The following SCFD2 variants were observed in gnomAD, a reference collection of about 807,000 sequenced individuals.
SCFD2 encodes the protein sec1 family domain containing 2, also known as sec1 family domain-containing protein 2.
A neutral mutation model predicts 58.9 loss-of-function variants in SCFD2; 54 were observed. That is an observed-to-expected ratio of 0.92 (90% CI 0.74 to 1.15). The LOEUF (loss-of-function observed/expected upper bound fraction) is 1.15. Ranked by LOEUF, SCFD2 falls within the 50% of genes most tolerant of loss-of-function variation. The pLI, the probability that SCFD2 is intolerant of heterozygous loss-of-function variation, is 0.00. For synonymous variants in SCFD2, 321 were observed against 335.9 expected, an observed-to-expected ratio of 0.96 and a Z score of 0.49; for missense variants, 805 against 836.6, an observed-to-expected ratio of 0.96 and a Z score of 0.47.
chr4:53,044,893 A>T (rs982328427), intron 5 of SCFD2, among the ~76,000 whole-genome samples: 1 of 31,054 alleles, frequency 3.2e-5, no homozygotes, highest in African/African-American at 2.2e-4. Context: ...CCCAATTCCC[A>T]CCTCCACCCC....
intron 5 of SCFD2, among the ~76,000 whole-genome samples, chr4:53,072,110 A>G (rs377561959): frequency 6.6e-6 from 1 of 152,100 alleles, no homozygotes; most frequent in Non-Finnish European, 1.5e-5. Context: ...GGTGGATGAT[A>G]TGAGTCCAGA....
intron 5 of SCFD2, among the ~76,000 whole-genome samples, chr4:53,132,756 G>GAA (rs1173240510): frequency 5.3e-5 from 8 of 152,178 alleles, no homozygotes; most frequent in African/African-American, 1.9e-4. Context: ...TGGACGTGTA[G>GAA]AATCAGTCTT....
intron 5 of SCFD2, among the ~76,000 whole-genome samples, chr4:53,056,077 A>G (rs1483081741): frequency 6.6e-6 from 1 of 150,930 alleles, no homozygotes; most frequent in Non-Finnish European, 1.5e-5. Context: ...TCCCCAAGAT[A>G]CCTTCCAAAA....
intron 2 of SCFD2, among the ~76,000 whole-genome samples, chr4:53,314,161 T>C (rs1577960010): frequency 6.6e-6 from 1 of 152,234 alleles, no homozygotes; most frequent in South Asian, 2.1e-4. Context: ...ATAAGCACTA[T>C]ATCAATTCGA....
intron 4 of SCFD2, among the ~76,000 whole-genome samples, chr4:53,209,240 G>A (rs1439178253): frequency 6.6e-6 from 1 of 152,122 alleles, no homozygotes; most frequent in Admixed American, 6.5e-5. Flanking sequence ...CAAAACCTTA[G>A]TGCTTAATGC....
intron 5 of SCFD2, among the ~76,000 whole-genome samples, chr4:53,126,109 A>G (rs1355435684): frequency 2.0e-5 from 3 of 152,266 alleles, no homozygotes; most frequent in South Asian, 2.1e-4. Flanking sequence ...AAACTAAGGG[A>G]TATCTGTGGC....
chr4:52,897,688 T>C (rs542027646), intron 7 of SCFD2, among the ~76,000 whole-genome samples: 1 of 152,248 alleles, frequency 6.6e-6, no homozygotes, highest in South Asian at 2.1e-4. Context: ...TTAGGGAGGA[T>C]TCCCTCTTTT....
In SCFD2 at chr4:52,895,851, A is replaced by T. The variant is rs183121929; in HGVS notation, c.1843-9985T>A. Among the ~76,000 whole-genome samples, 627 of 152,310 alleles carry T rather than the reference A, an allele frequency of 4.1e-3. 2 individuals are homozygous for T. The highest frequency in any genetic ancestry group is 0.015 in the African/African-American group (605 of 41,562). On this transcript the variant is annotated intron_variant, in intron 7 of 8. Coordinates refer to ENST00000401642, the MANE Select transcript of SCFD2 (RefSeq NM_152540.4). ...GTTTCCTGACTTTTAAATGATCGCCATTCTAACTGGTGTGAGATGATATCT... is the reference window on the plus strand; with the variant it reads ...GTTTCCTGACTTTTAAATGATCGCCTTTCTAACTGGTGTGAGATGATATCT...
chr4:53,267,122 A>G (rs904574067), intron 4 of SCFD2, among the ~76,000 whole-genome samples: 4 of 152,178 alleles, frequency 2.6e-5, no homozygotes, highest in Non-Finnish European at 5.9e-5. Flanking sequence ...AAGGTTGTCT[A>G]TAACATTACT....
intron 5 of SCFD2, among the ~76,000 whole-genome samples, chr4:53,076,997 G>GTA (rs1452263427): frequency 1.3e-5 from 2 of 152,158 alleles, no homozygotes; most frequent in African/African-American, 4.8e-5. Context: ...TGTATATCTT[G>GTA]TATATATCCT....
chr4:52,920,416 A>T (rs988599509), intron 6 of SCFD2, among the ~76,000 whole-genome samples: 1 of 152,316 alleles, frequency 6.6e-6, no homozygotes, highest in Non-Finnish European at 1.5e-5. Flanking sequence ...ACCTGTAGTC[A>T]TTGGCTCCCA....
At chr4:52,912,086 A>G (rs1382874004) in intron 6 of SCFD2, among the ~76,000 whole-genome samples, 2 of 152,056 alleles carry the variant, frequency 1.3e-5, no homozygotes. Context: ...GTAAACAATC[A>G]GTATGCATAA....
chr4:53,236,545 G>A (rs1399885138), intron 4 of SCFD2, among the ~76,000 whole-genome samples: 1 of 149,684 alleles, frequency 6.7e-6, no homozygotes, highest in Non-Finnish European at 1.5e-5. Context: ...TGTTTTAAAT[G>A]GTGCTTCTTG....
chr4:52,958,079 G>C (rs201697419), intron 5 of SCFD2: 1 of 143,096 alleles, frequency 7.0e-6, no homozygotes, highest in African/African-American at 2.5e-5. Flanking sequence ...AGGAGAAATA[G>C]TCAGACACAA....
intron 5 of SCFD2, among the ~76,000 whole-genome samples, chr4:52,943,986 T>C (rs1398352671): frequency 6.6e-6 from 1 of 152,174 alleles, no homozygotes; most frequent in African/African-American, 2.4e-5. Flanking sequence ...AGCTCCAGGA[T>C]GTCAAAATGT....
chr4:52,907,408 C>A (rs746438800), intron 7 of SCFD2, 49 bp downstream of exon 7: 5 of 1,591,022 alleles, frequency 3.1e-6, no homozygotes, highest in Non-Finnish European at 4.3e-6. Context: ...TCATGCCCAG[C>A]AAAGAGAACA....
At position 53,365,035 on chromosome 4, in the gene SCFD2, A is replaced by G; in HGVS notation, c.838+69T>C. Reference sequence around the variant, plus strand: ...ATATAATAAAAGGTCAATAAAATATATGCTGAATCAATGAAAGTCCCAGCA... The same window carrying G: ...ATATAATAAAAGGTCAATAAAATATGTGCTGAATCAATGAAAGTCCCAGCA... On this transcript the variant is annotated intron_variant, in intron 1 of 8. Coordinates refer to ENST00000401642, the MANE Select transcript of SCFD2 (RefSeq NM_152540.4). The surrounding 1 kb of genome is among the most constrained non-coding windows in gnomAD (Gnocchi z 4.3). 12 of 1,512,038 alleles carry G rather than the reference A, an allele frequency of 7.9e-6. No individual in the cohort carries two copies. Among genetic ancestry groups the G allele is most frequent in the South Asian group, 1.3e-5 (1 of 76,768 alleles). 93.7% of individuals were successfully genotyped at this position (1,512,038 alleles called of 1,614,324 possible). A position where few individuals can be genotyped will look rare whatever the true frequency, so the allele number is the denominator to read the frequency against.
chr4:53,263,229 C>T (rs1490647503), intron 4 of SCFD2, among the ~76,000 whole-genome samples: 4 of 151,998 alleles, frequency 2.6e-5, no homozygotes, highest in Admixed American at 6.6e-5. Flanking sequence ...GCTTAATAAT[C>T]GACCTTCGAA....
intron 5 of SCFD2, among the ~76,000 whole-genome samples, chr4:53,008,112 G>T (rs1207829520): frequency 6.6e-6 from 1 of 152,216 alleles, no homozygotes; most frequent in African/African-American, 2.4e-5. Flanking sequence ...TGTGGGCAAG[G>T]TTAAAGGAAA....
Sources: gnomAD v4.1 joint callset for allele counts (sites outside exome capture counted in the v4.1 genomes callset) on GRCh38, gnomAD v4.1.1 for gene constraint, Gnocchi (gnomAD v3.1) non-coding constraint, MANE v1.5 for transcripts, NCBI Gene and HGNC (gene_info 2026-07-23, HGNC 2026-07-21) for gene names.